SIDT2: variants seen among roughly 807,000 people sequenced by gnomAD.
SIDT2 encodes SID1 transmembrane family, member 2.
SIDT2 carries 68 observed loss-of-function variants against 114.4 expected under a neutral mutation model. The observed-to-expected ratio is 0.59, with a 90% CI of 0.49 to 0.73. SIDT2 has a LOEUF of 0.73. Among genes scored for constraint, SIDT2 ranks in the 30% least tolerant of loss-of-function variants. The pLI, the probability that SIDT2 is intolerant of heterozygous loss-of-function variation, is 0.00. For missense variants in SIDT2, 918 were observed against 1,097.1 expected (o/e 0.84, Z 2.31); for synonymous variants, 470 against 438.4 (o/e 1.07, Z -0.90).
chr11:117,187,432 A>G lies in SIDT2; in HGVS notation c.1070A>G (p.Tyr357Cys), dbSNP rs754314396. 1.4e-5 allele frequency: 22 copies of G among 1,613,936 alleles called. No individual in the cohort carries two copies. Among genetic ancestry groups the G allele is most frequent in the African/African-American group, 2.7e-5 (2 of 74,886 alleles). ...SFPGSSPYEG[Y>C]NYGSFENVSG... ...CCTGGCAGTTCCCCTTATGAGGGTTACAACTATGGCTCCTTTGGTACGTGT... is the reference window on the plus strand; with the variant it reads ...CCTGGCAGTTCCCCTTATGAGGGTTGCAACTATGGCTCCTTTGGTACGTGT... Residue 357 changes from tyrosine (Y) to cysteine (C), a missense_variant, in exon 11 of 26, where the codon TAC becomes TGC. Tyr to Cys is a radical substitution (Grantham distance 194). This residue lies in a region of SIDT2 where 553 missense variants were observed against 600.1 expected (regional missense o/e 0.92). Transcript: ENST00000324225.
chr11:117,191,668 A>G (rs2030706302), intron 18 of SIDT2: 1 of 638,478 alleles, frequency 1.6e-6, no homozygotes, highest in Admixed American at 2.9e-5. Context: ...AGGAGATGTC[A>G]GACTCTGGGT....
Position 117,187,468 on chromosome 11 carries a change from A to G in SIDT2, c.1087+19A>G, listed in dbSNP as rs746148373. 1.8e-5 allele frequency: 29 copies of G among 1,613,356 alleles called. No homozygotes were observed. Among genetic ancestry groups the G allele is most frequent in the Admixed American group, 1.0e-4 (6 of 59,980 alleles). ...TCCTTTGGTACGTGTCAAAGCCAGC[A>G]CCGTGCTTGCTGGGGACATGACCTT... On this transcript the variant is annotated intron_variant, in intron 11 of 25. Transcript: ENST00000324225.
Position 117,191,945 on chromosome 11 carries a change from C to T in SIDT2, c.1803C>T (p.Asp601=), listed in dbSNP as rs142813442. The change falls in exon 19 of 26, where the codon GAC becomes GAT. Residue 601 remains aspartate (D), a synonymous_variant. Coordinates refer to ENST00000324225, the MANE Select transcript of SIDT2 (RefSeq NM_001040455.2). Reference sequence around the variant, plus strand: ...AGCTCTACCAGAAGCGGCACCCGGACATCAACGCCAGCGCCTACAGTGCCT... The same window carrying T: ...AGCTCTACCAGAAGCGGCACCCGGATATCAACGCCAGCGCCTACAGTGCCT... ...MLKLYQKRHP[D]INASAYSAYA... 11 of 1,614,096 alleles carry T rather than the reference C, an allele frequency of 6.8e-6. No individual in the cohort carries two copies. The African/African-American group carries it at 1.1e-4, about 16-fold the overall frequency.
chr11:117,195,942 G>T, intron 25 of SIDT2, 27 bp downstream of exon 25: 1 of 1,614,234 alleles, frequency 6.2e-7, no homozygotes, highest in Non-Finnish European at 8.5e-7. Flanking sequence ...GCCGAGCCGG[G>T]TGGGTACGTG....
intron 1 of SIDT2, 115 bp from the exon 2 acceptor site, chr11:117,181,301 C>T (rs1358325301): frequency 5.4e-6 from 8 of 1,491,240 alleles, no homozygotes; most frequent in Non-Finnish European, 6.3e-6. Context: ...CCTGGCCCGA[C>T]CAAGATGGAG....
intron 18 of SIDT2, 159 bp from the exon 19 acceptor site, chr11:117,191,719 T>C: frequency 1.1e-6 from 1 of 944,786 alleles, no homozygotes; most frequent in Non-Finnish European, 1.6e-6. Flanking sequence ...CAGGTACAAC[T>C]AAGGAACTGA....
intron 9 of SIDT2, 95 bp from the exon 10 acceptor site, chr11:117,186,489 G>T: frequency 8.1e-7 from 1 of 1,235,052 alleles, no homozygotes; most frequent in Non-Finnish European, 1.1e-6. Context: ...TCATAGCGAT[G>T]AGAGTGGAGC....
At position 117,195,855 on chromosome 11, in the gene SIDT2, C is replaced by T; in HGVS notation, c.2376C>T (p.Phe792=). Residue 792 remains phenylalanine, a synonymous_variant, in exon 25 of 26, where the codon TTC becomes TTT. Transcript: ENST00000324225. ...EHNRDCILLD[F]FDDHDIWHFL... The stretch of plus-strand genomic sequence containing the variant: ...ACCGGGACTGCATCCTCCTCGACTT[C>T]TTTGACGACCACGACATCTGGCACT... 1 of 1,614,236 alleles carries T rather than the reference C, an allele frequency of 6.2e-7. No individual in the cohort carries two copies. Among genetic ancestry groups the T allele is most frequent in the Non-Finnish European group, 8.5e-7 (1 of 1,180,042 alleles).
At chr11:117,195,375 C>T (rs901472768) in intron 24 of SIDT2, among the ~76,000 whole-genome samples, 51 of 152,054 alleles carry the variant, frequency 3.4e-4, no homozygotes, top group Admixed American at 3.2e-3. Context: ...GCTACTGTCC[C>T]GGAGCAGGTG....
chr11:117,182,326 C>G, intron 4 of SIDT2, 193 bp from the exon 5 acceptor site: 3 of 705,560 alleles, frequency 4.3e-6, no homozygotes, highest in Non-Finnish European at 7.2e-6. Flanking sequence ...CTGCTGAGTG[C>G]CCTGCTGAGG....
rs773257862 is a variant in SIDT2, at chr11:117,192,677, T to C, written c.2058+27T>C. ...TACCTGCCTGGTTCCCCTGCTCCAT[T>C]CTCCACATCTCCTTTCTTCCCTCTG... On this transcript the variant is annotated intron_variant, in intron 21 of 25. Coordinates refer to ENST00000324225, the MANE Select transcript of SIDT2 (RefSeq NM_001040455.2). The surrounding 1 kb of genome is among the most constrained non-coding windows in gnomAD (Gnocchi z 5.9). 2 of 1,612,834 alleles carry C rather than the reference T, an allele frequency of 1.2e-6. No individual in the cohort carries two copies. The highest frequency in any genetic ancestry group is 1.7e-5 in the Admixed American group (1 of 60,018).
rs1216632122 is a variant in SIDT2, at chr11:117,183,893, C to T, written c.802+15C>T. On this transcript the variant is annotated intron_variant, in intron 7 of 25. Transcript: ENST00000324225. Reference sequence around the variant, plus strand: ...CTTCGCAGAAGGTACATTTTGTGCCCTGGGCCTGGCTAGGGATGGGGAGGT... The same window carrying T: ...CTTCGCAGAAGGTACATTTTGTGCCTTGGGCCTGGCTAGGGATGGGGAGGT... The T allele has an allele frequency of 6.3e-7, 1 of 1,599,646 alleles. No homozygotes were observed. Among genetic ancestry groups the T allele is most frequent in the Non-Finnish European group, 8.6e-7 (1 of 1,167,080 alleles).
rs1395399423 is a variant in SIDT2, at chr11:117,196,137, C to T, written c.*71C>T. The T allele has an allele frequency of 4.4e-6, 7 of 1,599,704 alleles. No homozygotes were observed. The highest frequency in any genetic ancestry group is 2.2e-5 in the South Asian group (2 of 90,454). On this transcript the variant is annotated 3_prime_UTR_variant, in exon 26 of 26. Transcript: ENST00000324225. The surrounding 1 kb of genome is among the most constrained non-coding windows in gnomAD (Gnocchi z 4.9). Reference sequence around the variant, plus strand: ...TTGTGTCATAGACCGGTCACTCTGTCGTGCTGTGGGGATGAGTCCCAGCAC... The same window carrying T: ...TTGTGTCATAGACCGGTCACTCTGTTGTGCTGTGGGGATGAGTCCCAGCAC...
rs371173724 is a variant in SIDT2, at chr11:117,192,033, C to G, written c.1872+19C>G. On this transcript the variant is annotated intron_variant, in intron 19 of 25. Transcript: ENST00000324225. This position sits in a 1 kb window ranked among gnomAD's most constrained non-coding sequence, Gnocchi z 5.9. ...GGGCGTGGTGAGGGCCTGACCTGCT[C>G]TGCTCAGCCTGTATGATAGGAAAGG... The G allele has an allele frequency of 1.5e-4, 244 of 1,613,722 alleles. No homozygotes were observed. The highest frequency in any genetic ancestry group is 1.2e-4 in the Admixed American group (7 of 59,968).
In SIDT2 at chr11:117,181,883, C is replaced by G. The variant is rs776392007; in HGVS notation, c.382C>G (p.Gln128Glu). Residue 128 changes from glutamine to glutamate, a missense_variant, in exon 3 of 26, where the codon CAG becomes GAG. Coordinates refer to ENST00000324225, the MANE Select transcript of SIDT2 (RefSeq NM_001040455.2). The stretch of plus-strand genomic sequence containing the variant: ...CCCCACCAAGAATGAGTCGGAGATT[C>G]AGTTCTTCTACGTGGATGTGTCCAC... ...QPPTKNESEI[Q>E]FFYVDVSTLS... is the part of the protein sequence containing the mutation. 7 of 1,614,176 alleles carry G rather than the reference C, an allele frequency of 4.3e-6. No homozygotes were observed. The highest frequency in any genetic ancestry group is 5.9e-6 in the Non-Finnish European group (7 of 1,180,026).
rs1367970846 is a variant in SIDT2 at position 117,188,543 on chromosome 11, G to C, written c.1160-165G>C. On this transcript the variant is annotated intron_variant, in intron 12 of 25. Transcript: ENST00000324225. This position sits in a 1 kb window ranked among gnomAD's most constrained non-coding sequence, Gnocchi z 4.0. ...CCCCCAGGACTTAGGAGCACCTGAT[G>C]TCTCCTCCCAGCTCCTGAGCCCACT... 2 of 623,772 alleles carry C rather than the reference G, an allele frequency of 3.2e-6. No homozygotes were observed. Among genetic ancestry groups the C allele is most frequent in the Admixed American group, 2.5e-5 (1 of 39,696 alleles). 38.6% of individuals were successfully genotyped at this position (623,772 alleles called of 1,614,324 possible). A position where few individuals can be genotyped will look rare whatever the true frequency, so the allele number is the denominator to read the frequency against.
intron 18 of SIDT2, chr11:117,191,654 T>C (rs1242229): frequency 0.84 from 507,881 of 601,726 alleles, 218,050 homozygotes; most frequent in African/African-American, 0.91. Context: ...TTGTCCCTGT[T>C]TTCAGGAGAT....
Position 117,192,882 on chromosome 11 carries a change from A to G in SIDT2, c.2105+16A>G. 1 of 1,614,080 alleles carries G rather than the reference A, an allele frequency of 6.2e-7. No individual in the cohort carries two copies. The highest frequency in any genetic ancestry group is 2.2e-5 in the East Asian group (1 of 44,866). The stretch of plus-strand genomic sequence containing the variant: ...ACTGGTCGCTGTGAGTATGGTCAGC[A>G]GTAGTGGCCTGGTTGGGTGGACAGC... On this transcript the variant is annotated intron_variant, in intron 22 of 25. Coordinates refer to ENST00000324225, the MANE Select transcript of SIDT2 (RefSeq NM_001040455.2). The surrounding 1 kb of genome is among the most constrained non-coding windows in gnomAD (Gnocchi z 5.9).
At position 117,187,368 on chromosome 11, in the gene SIDT2, C is replaced by T; in HGVS notation, c.1016-10C>T. 6.2e-7 allele frequency: 1 copy of T among 1,613,578 alleles called. No homozygotes were observed. The highest frequency in any genetic ancestry group is 8.5e-7 in the Non-Finnish European group (1 of 1,179,528). On this transcript the variant is annotated splice_polypyrimidine_tract_variant and intron_variant, in intron 10 of 25. Coordinates refer to ENST00000324225, the MANE Select transcript of SIDT2 (RefSeq NM_001040455.2). ...GTCCAGTGCTAACAGACCTTGACTT[C>T]TCATTGCAGGTCACCCTCGAGTCCT...
Sources: allele counts gnomAD v4.1 joint callset (sites outside exome capture counted in the v4.1 genomes callset), GRCh38; gene constraint gnomAD v4.1.1; regional missense constraint gnomAD v4.1.1; non-coding constraint Gnocchi (gnomAD v3.1); transcripts MANE v1.5; gene names NCBI Gene and HGNC (gene_info 2026-07-23, HGNC 2026-07-21).